Variants in PERCC1 observed in about 807,000 individuals in gnomAD.
PERCC1 encodes protein PERCC1.
rs1329526302 is a variant in PERCC1 at position 1,434,205 on chromosome 16, C to T, written c.*808C>T. 6.6e-6 allele frequency among the ~76,000 whole-genome samples: 1 copy of T among 152,198 alleles called. No individual in the cohort carries two copies. The highest frequency in any genetic ancestry group is 1.5e-5 in the Non-Finnish European group (1 of 68,012). The stretch of plus-strand genomic sequence containing the variant: ...GGAAGGAGAGAGGCTGCTAAAGTGC[C>T]ATGGAAAGCAACAGCCTGAAGCCGG... On this transcript the variant is annotated 3_prime_UTR_variant, in exon 2 of 2. Transcript: ENST00000640283.
rs968951356 is a variant in PERCC1 at position 1,433,922 on chromosome 16, C to T, written c.*525C>T. ...GAGGCAGGAAGAGGGGCCCACTGCC[C>T]GACCGAGAGAGCAAACAAGGGCCGT... On this transcript the variant is annotated 3_prime_UTR_variant, in exon 2 of 2. Transcript: ENST00000640283. Among the ~76,000 whole-genome samples, 7 of 152,206 alleles carry T rather than the reference C, an allele frequency of 4.6e-5. No individual in the cohort carries two copies. Among genetic ancestry groups the T allele is most frequent in the Non-Finnish European group, 7.4e-5 (5 of 68,022 alleles).
chr16:1,432,972 C>G lies in PERCC1; in HGVS notation c.379C>G (p.Arg127Gly), dbSNP rs1346619380. Residue 127 changes from arginine to glycine, a missense_variant, in exon 2 of 2, where the codon CGG becomes GGG. Arg to Gly is a moderately radical substitution (Grantham distance 125). Coordinates refer to ENST00000640283, the MANE Select transcript of PERCC1 (RefSeq NM_001365310.2). ...ADSRPPRSTA[R>G]ELYYADLVRL... ...CAGCCGCCCACCCCGCAGCACTGCCCGGGAGCTCTACTATGCGGACCTGGT... is the reference window on the plus strand; with the variant it reads ...CAGCCGCCCACCCCGCAGCACTGCCGGGGAGCTCTACTATGCGGACCTGGT... 6 of 398,822 alleles carry G rather than the reference C, an allele frequency of 1.5e-5. No individual in the cohort carries two copies. Among genetic ancestry groups the G allele is most frequent in the Non-Finnish European group, 2.2e-5 (5 of 226,194 alleles). 24.7% of individuals were successfully genotyped at this position (398,822 alleles called of 1,614,324 possible).
In PERCC1 at chr16:1,432,743, C is replaced by T. The variant is rs1039278034; in HGVS notation, c.150C>T (p.Gly50=). The change falls in exon 2 of 2, where the codon GGC becomes GGT. Residue 50 remains glycine (G), a synonymous_variant. Transcript: ENST00000640283. ...AGGAGGAGGAGGAGGAGGGCGAGGGCGAGGGGCTGGGGGGCTGCGGCCGGA... is the reference window on the plus strand; with the variant it reads ...AGGAGGAGGAGGAGGAGGGCGAGGGTGAGGGGCTGGGGGGCTGCGGCCGGA... The part of the protein sequence containing the change: ...EEEEEEEEGE[G]EGLGGCGRIL... 146 of 399,738 alleles carry T rather than the reference C, an allele frequency of 3.7e-4. No individual in the cohort carries two copies. The highest frequency in any genetic ancestry group is 2.7e-3 in the African/African-American group (131 of 48,586). The allele number at this position is 399,738 out of a possible 1,614,324, so 24.8% of individuals were successfully genotyped here. A position where few individuals can be genotyped will look rare whatever the true frequency, so the allele number is the denominator to read the frequency against.
intron 1 of PERCC1, among the ~76,000 whole-genome samples, chr16:1,431,888 A>C (rs2038451227): frequency 6.6e-6 from 1 of 152,040 alleles, no homozygotes; most frequent in Non-Finnish European, 1.5e-5. Flanking sequence ...ACCATCGTGG[A>C]GACTTCCTAG....
chr16:1,434,190 A>G lies in PERCC1; in HGVS notation c.*793A>G, dbSNP rs1263074330. Among the ~76,000 whole-genome samples, 1 of 152,178 alleles carries G rather than the reference A, an allele frequency of 6.6e-6. No individual in the cohort carries two copies. The highest frequency in any genetic ancestry group is 1.5e-5 in the Non-Finnish European group (1 of 68,004). ...TAGGGGGCCTGGCAGGGAAGGAGAG[A>G]GGCTGCTAAAGTGCCATGGAAAGCA... On this transcript the variant is annotated 3_prime_UTR_variant, in exon 2 of 2. Transcript: ENST00000640283.
rs1368817769 is a variant in PERCC1, at chr16:1,433,802, G to C, written c.*405G>C. On this transcript the variant is annotated 3_prime_UTR_variant, in exon 2 of 2. Transcript: ENST00000640283. ...GCCTGCCCATCCCACCGAACCCCTA[G>C]GACTAAGCGGCCCGGAACCTGTGGC... 1.3e-5 allele frequency among the ~76,000 whole-genome samples: 2 copies of C among 152,228 alleles called. No individual in the cohort carries two copies. Among genetic ancestry groups the C allele is most frequent in the African/African-American group, 4.8e-5 (2 of 41,460 alleles).
chr16:1,432,706 AGGAG>A lies in PERCC1; in HGVS notation c.115_118del (p.Glu39ArgfsTer157), dbSNP rs2038459805. On this transcript the variant is annotated frameshift_variant, in exon 2 of 2. Coordinates refer to ENST00000640283, the MANE Select transcript of PERCC1 (RefSeq NM_001365310.2). LOFTEE classifies it low-confidence loss of function (END_TRUNC). ...CCAGAGACTTCGGAGGAGGAAGAGG[AGGAG>A]GAGGAGGAGGAGGAGGAGGAGGAGG... 3.8e-6 allele frequency: 1 copy of A among 265,238 alleles called. No individual in the cohort carries two copies. Among genetic ancestry groups the A allele is most frequent in the Non-Finnish European group, 6.8e-6 (1 of 147,668 alleles). 16.4% of individuals were successfully genotyped at this position (265,238 alleles called of 1,614,324 possible). A position where few individuals can be genotyped will look rare whatever the true frequency, so the allele number is the denominator to read the frequency against.
In PERCC1 at chr16:1,432,528, CCT is replaced by C. The variant is rs1342020165; in HGVS notation, c.-47-16_-47-15del. The C allele has an allele frequency of 2.5e-6, 1 of 398,560 alleles. No individual in the cohort carries two copies. Among genetic ancestry groups the C allele is most frequent in the Non-Finnish European group, 4.4e-6 (1 of 226,044 alleles). The allele number at this position is 398,560 out of a possible 1,614,324, so 24.7% of individuals were successfully genotyped here. ...GGCCAGGCCTGACAGGGAACCTGCC[CCT>C]CTGTCTCCCTCCCCAGCCAGCGCCT... On this transcript the variant is annotated splice_polypyrimidine_tract_variant and intron_variant, in intron 1 of 1. Transcript: ENST00000640283.
chr16:1,432,720 GA>G lies in PERCC1; in HGVS notation c.128del (p.Glu43GlyfsTer154). On this transcript the variant is annotated frameshift_variant, in exon 2 of 2. Transcript: ENST00000640283. LOFTEE classifies it low-confidence loss of function (END_TRUNC). ...SEEEEEEEEE[E>X]EEEEGEGEGL... Reference sequence around the variant, plus strand: ...GGAGGAAGAGGAGGAGGAGGAGGAGGAGGAGGAGGAGGAGGGCGAGGGCGAG... The same window carrying G: ...GGAGGAAGAGGAGGAGGAGGAGGAGGGGAGGAGGAGGAGGGCGAGGGCGAG... The G allele has an allele frequency of 2.5e-6, 1 of 401,446 alleles. No individual in the cohort carries two copies. The highest frequency in any genetic ancestry group is 4.4e-6 in the Non-Finnish European group (1 of 227,868). The allele number at this position is 401,446 out of a possible 1,614,324, so 24.9% of individuals were successfully genotyped here. A position where few individuals can be genotyped will look rare whatever the true frequency, so the allele number is the denominator to read the frequency against.
In PERCC1 at chr16:1,433,192, G is replaced by A. The variant is rs549519144; in HGVS notation, c.599G>A (p.Arg200Gln). The change falls in exon 2 of 2, where the codon CGG becomes CAG. Residue 200 changes from arginine (R) to glutamine (Q), a missense_variant. Transcript: ENST00000640283. Reference protein sequence around the residue: ...AAAGWSLTLERKYGHITPMAQ... With the variant: ...AAAGWSLTLEQKYGHITPMAQ... ...GCCGGCTGGAGCCTGACGCTGGAGC[G>A]GAAGTACGGCCACATCACCCCCATG... 158 of 398,640 alleles carry A rather than the reference G, an allele frequency of 4.0e-4. 1 individual carries two copies. Among genetic ancestry groups the A allele is most frequent in the African/African-American group, 2.7e-3 (130 of 48,736 alleles). 24.7% of individuals were successfully genotyped at this position (398,640 alleles called of 1,614,324 possible).
Position 1,433,232 on chromosome 16 carries a change from G to GC in PERCC1, c.644dup (p.Ser216IlefsTer9). ...TCACCCCCATGGCCCAGAGGAAGCTGCCCCCATCCTTCTGGAAGGAGCCGA... is the reference window on the plus strand; with the variant it reads ...TCACCCCCATGGCCCAGAGGAAGCTGCCCCCCATCCTTCTGGAAGGAGCCGA... On this transcript the variant is annotated frameshift_variant, in exon 2 of 2. Transcript: ENST00000640283. LOFTEE classifies it low-confidence loss of function (END_TRUNC). 1 of 398,658 alleles carries GC rather than the reference G, an allele frequency of 2.5e-6. No homozygotes were observed. The highest frequency in any genetic ancestry group is 1.3e-4 in the South Asian group (1 of 7,854). The allele number at this position is 398,658 out of a possible 1,614,324, so 24.7% of individuals were successfully genotyped here.
chr16:1,431,961 G>A (rs576913439), intron 1 of PERCC1, among the ~76,000 whole-genome samples: 98 of 151,772 alleles, frequency 6.5e-4, no homozygotes, highest in African/African-American at 2.2e-3. Flanking sequence ...AGAACCCCAC[G>A]GGGGCTGCAC....
intron 1 of PERCC1, among the ~76,000 whole-genome samples, chr16:1,432,173 G>A (rs754184688): frequency 9.2e-5 from 14 of 151,962 alleles, no homozygotes; most frequent in Non-Finnish European, 1.6e-4. Context: ...CCTGCCCAGC[G>A]TCCTCCCCTC....
At chr16:1,431,817 G>A (rs1018800046) in intron 1 of PERCC1, among the ~76,000 whole-genome samples, 1 of 152,114 alleles carries the variant, frequency 6.6e-6, no homozygotes, top group African/African-American at 2.4e-5. Context: ...GAGTCGTCCT[G>A]GCCAGGTGCA....
rs1208070434 is a variant in PERCC1 at position 1,432,815 on chromosome 16, C to T, written c.222C>T (p.Pro74=). The T allele has an allele frequency of 2.3e-5, 9 of 398,500 alleles. No homozygotes were observed. The highest frequency in any genetic ancestry group is 1.3e-4 in the South Asian group (1 of 7,876). The allele number at this position is 398,500 out of a possible 1,614,324, so 24.7% of individuals were successfully genotyped here. A position where few individuals can be genotyped will look rare whatever the true frequency, so the allele number is the denominator to read the frequency against. The change falls in exon 2 of 2, where the codon CCC becomes CCT. Residue 74 remains proline (P), a synonymous_variant. Coordinates refer to ENST00000640283, the MANE Select transcript of PERCC1 (RefSeq NM_001365310.2). ...CAGAGGCCACGGAGGAAGCAGCCCC[C>T]GAGGGTCCCGGCAGCCCCGAGACCC... ...GRAEATEEAA[P]EGPGSPETPL... is the part of the protein sequence containing the mutation.
At chr16:1,431,879 C>T (rs1209643820) in intron 1 of PERCC1, among the ~76,000 whole-genome samples, 1 of 152,186 alleles carries the variant, frequency 6.6e-6, no homozygotes, top group South Asian at 2.1e-4. Flanking sequence ...GCCGCCTTCA[C>T]CATCGTGGAG....
At position 1,433,150 on chromosome 16, in the gene PERCC1, G is replaced by T; in HGVS notation, c.557G>T (p.Trp186Leu). The T allele has an allele frequency of 2.5e-6, 1 of 398,670 alleles. No individual in the cohort carries two copies. Among genetic ancestry groups the T allele is most frequent in the Middle Eastern group, 6.3e-4 (1 of 1,596 alleles). The allele number at this position is 398,670 out of a possible 1,614,324, so 24.7% of individuals were successfully genotyped here. ...ELFDYGLQQYWGSRAAAGWSL... is the reference protein window; with the variant it reads ...ELFDYGLQQYLGSRAAAGWSL... ...TTCGACTACGGGCTGCAGCAGTACT[G>T]GGGGTCCAGGGCAGCGGCCGGCTGG... is the stretch of plus-strand genomic sequence containing the variant. Residue 186 changes from tryptophan (W) to leucine (L), a missense_variant, in exon 2 of 2, where the codon TGG becomes TTG. Trp to Leu is a moderately conservative substitution (Grantham distance 61). Coordinates refer to ENST00000640283, the MANE Select transcript of PERCC1 (RefSeq NM_001365310.2).
At position 1,433,406 on chromosome 16, in the gene PERCC1, CG is replaced by C; in HGVS notation, c.*13del. On this transcript the variant is annotated 3_prime_UTR_variant, in exon 2 of 2. Coordinates refer to ENST00000640283, the MANE Select transcript of PERCC1 (RefSeq NM_001365310.2). ...GGCCAGCCGAGGCCTAGCGAAGCGC[CG>C]GGGTCAGAGCTAGCTGGCGGCAGCA... 1 of 398,672 alleles carries C rather than the reference CG, an allele frequency of 2.5e-6. No individual in the cohort carries two copies. Among genetic ancestry groups the C allele is most frequent in the South Asian group, 1.3e-4 (1 of 7,870 alleles). 24.7% of individuals were successfully genotyped at this position (398,672 alleles called of 1,614,324 possible). A position where few individuals can be genotyped will look rare whatever the true frequency, so the allele number is the denominator to read the frequency against.
intron 1 of PERCC1, among the ~76,000 whole-genome samples, chr16:1,432,030 G>A (rs1223019377): frequency 1.4e-5 from 2 of 147,952 alleles, no homozygotes; most frequent in Non-Finnish European, 3.1e-5. Flanking sequence ...TGGAGCCCCT[G>A]GTTCTGACCC....
Sources: allele counts gnomAD v4.1 joint callset (sites outside exome capture counted in the v4.1 genomes callset), GRCh38; gene constraint gnomAD v4.1.1; transcripts MANE v1.5; gene names NCBI Gene and HGNC (gene_info 2026-07-23, HGNC 2026-07-21).